Variants in ANOS1 observed in about 807,000 individuals in gnomAD.
ANOS1 encodes anosmin-1.
In ANOS1, 6 loss-of-function variants were observed where a neutral mutation model predicts 59.0. The ratio of observed to expected loss-of-function variants is 0.10; its 90% confidence interval spans 0.06 to 0.20. The LOEUF (loss-of-function observed/expected upper bound fraction) is 0.20, where lower values mean the gene tolerates loss of function less well. Among genes scored for constraint, ANOS1 ranks in the 10% least tolerant of loss-of-function variants. ANOS1 has a pLI of 1.00. For synonymous variants in ANOS1, 217 were observed against 223.4 expected (o/e 0.97, Z 0.25); for missense variants, 433 against 542.3 (o/e 0.80, Z 2.00).
chrX:8,539,022 A>G (rs969816561), intron 10 of ANOS1, among the ~76,000 whole-genome samples: 1 of 112,059 alleles, frequency 8.9e-6, no homozygotes, highest in African/African-American at 3.2e-5. Context: ...TGTATTATAC[A>G]CTGTATAATA....
intron 1 of ANOS1, among the ~76,000 whole-genome samples, chrX:8,722,540 CT>C (rs1044659117): frequency 1.8e-5 from 2 of 110,567 alleles, no homozygotes; most frequent in African/African-American, 6.6e-5. Flanking sequence ...CAGTTCATTC[CT>C]TTTTATGTCT....
chrX:8,558,735 T>C (rs1929986776), intron 8 of ANOS1, among the ~76,000 whole-genome samples: 2 of 111,564 alleles, frequency 1.8e-5, no homozygotes, highest in South Asian at 3.8e-4. Context: ...GGAAATACGG[T>C]TCAGCTTTGT....
intron 4 of ANOS1, among the ~76,000 whole-genome samples, chrX:8,589,502 A>G (rs1052569340): frequency 2.7e-5 from 3 of 112,225 alleles, no homozygotes; most frequent in Admixed American, 1.9e-4. Context: ...ATTTCATATT[A>G]GAAAAGGCCA....
chrX:8,550,409 C>T (rs765939412), intron 9 of ANOS1, among the ~76,000 whole-genome samples: 18 of 111,424 alleles, frequency 1.6e-4, no homozygotes, highest in Admixed American at 1.1e-3. Flanking sequence ...TTTTAAGATG[C>T]GAATTCTTCA....
chrX:8,601,996 A>G (rs897252343), intron 3 of ANOS1, among the ~76,000 whole-genome samples: 1 of 111,806 alleles, frequency 8.9e-6, no homozygotes, highest in African/African-American at 3.3e-5. Context: ...TAAGCACTGA[A>G]ATCTGCATCT....
intron 1 of ANOS1, among the ~76,000 whole-genome samples, chrX:8,729,712 T>TAAAAAAAAAAAAAAAAAAAAAAAAAAAA (rs1173021674): frequency 1.6e-5 from 1 of 63,087 alleles, no homozygotes; most frequent in African/African-American, 5.9e-5. Context: ...TTCTAATTAT[T>TAAAAAAAAAAAAAAAAAAAAAAAAAAAA]AAAAAAAAAA....
chrX:8,581,584 A>G (rs1930425575), intron 6 of ANOS1, among the ~76,000 whole-genome samples: 1 of 111,916 alleles, frequency 8.9e-6, no homozygotes, highest in African/African-American at 3.2e-5. Context: ...GTAAAGATGC[A>G]TCACAGAATT....
chrX:8,653,608 T>G (rs1218266344), intron 2 of ANOS1, among the ~76,000 whole-genome samples: 1 of 111,918 alleles, frequency 8.9e-6, no homozygotes. Flanking sequence ...CAAATACACA[T>G]GACCTTTTTA....
intron 1 of ANOS1, among the ~76,000 whole-genome samples, chrX:8,709,654 G>A (rs988878235): frequency 1.8e-5 from 2 of 111,791 alleles, no homozygotes; most frequent in African/African-American, 6.5e-5. Flanking sequence ...TAGGTGATAC[G>A]TAATAACTAG....
intron 2 of ANOS1, among the ~76,000 whole-genome samples, chrX:8,646,366 C>CAT (rs1931756006): frequency 9.0e-6 from 1 of 110,743 alleles, no homozygotes; most frequent in Non-Finnish European, 1.9e-5. Context: ...CTGTAGTAGC[C>CAT]GCCACCTGTA....
rs949125165 is a variant in ANOS1 at position 8,686,551 on chromosome X, A to G, written c.255+13147T>C. On this transcript the variant is annotated intron_variant, in intron 2 of 13. Transcript: ENST00000262648. ...TTAAGTTTTAGCTTTCTAAAGACCA[A>G]TTGTAAGAGGAAAACACTATTAACT... is the stretch of plus-strand genomic sequence containing the variant. 2.7e-5 allele frequency among the ~76,000 whole-genome samples: 3 copies of G among 112,421 alleles called. No homozygotes were observed. The East Asian group carries it at 8.4e-4, about 31-fold the overall frequency.
In ANOS1 at chrX:8,535,762, T is replaced by C; in HGVS notation, c.1671A>G (p.Ser557=). 1 of 1,210,578 alleles carries C rather than the reference T, an allele frequency of 8.3e-7. No homozygotes were observed. Reference sequence around the variant, plus strand: ...TGATGTTCACATCCTGGACGATGAATGAAGCAGAAAGGTTCTCAGGCTTAG... The same window carrying C: ...TGATGTTCACATCCTGGACGATGAACGAAGCAGAAAGGTTCTCAGGCTTAG... ...VLAKPENLSA[S]FIVQDVNITG... Residue 557 remains serine, a synonymous_variant, in exon 12 of 14, where the codon TCA becomes TCG. Transcript: ENST00000262648.
At chrX:8,714,002 T>G (rs189828836) in intron 1 of ANOS1, among the ~76,000 whole-genome samples, 265 of 112,274 alleles carry the variant, frequency 2.4e-3, no homozygotes, top group Non-Finnish European at 4.3e-3. Flanking sequence ...TGGATTCTTG[T>G]CATTGAGAAA....
intron 8 of ANOS1, 39 bp from the exon 9 acceptor site, chrX:8,554,137 G>C (rs1929902409): frequency 8.9e-7 from 1 of 1,119,448 alleles, no homozygotes; most frequent in African/African-American, 1.8e-5. Flanking sequence ...CTTGTTAAAA[G>C]TAATTATAGA....
At chrX:8,719,671 G>A (rs1249342923) in intron 1 of ANOS1, among the ~76,000 whole-genome samples, 1 of 111,780 alleles carries the variant, frequency 8.9e-6, no homozygotes, top group Non-Finnish European at 1.9e-5. Flanking sequence ...GAGAGCCACC[G>A]CACCTGGCCC....
chrX:8,533,275 AAAG>A lies in ANOS1; in HGVS notation c.1985-225_1985-223del, dbSNP rs758626372. ...TTCCCAAACTATAAAATAACAAGAA[AAAG>A]AAGACAAGCTCCTTTCCTTAAGCTC... On this transcript the variant is annotated intron_variant, in intron 13 of 13. Transcript: ENST00000262648. Among the ~76,000 whole-genome samples the A allele has an allele frequency of 4.7e-3, 530 of 112,089 alleles. 1 individual carries two copies. The highest frequency in any genetic ancestry group is 0.017 in the South Asian group (47 of 2,694).
At chrX:8,695,174 T>C (rs1012874891) in intron 2 of ANOS1, among the ~76,000 whole-genome samples, 14 of 111,539 alleles carry the variant, frequency 1.3e-4, no homozygotes, top group African/African-American at 4.6e-4. Context: ...TAGCTGGGCA[T>C]GGTGGCAGGT....
At position 8,578,135 on chromosome X, in the gene ANOS1, C is replaced by T. The variant is rs140130512; in HGVS notation, c.856+7132G>A. Reference sequence around the variant, plus strand: ...CGCACTGAAACGCATCATAAGAACACCTCATAAGGTATACTTATGGTATAT... The same window carrying T: ...CGCACTGAAACGCATCATAAGAACATCTCATAAGGTATACTTATGGTATAT... On this transcript the variant is annotated intron_variant, in intron 6 of 13. Coordinates refer to ENST00000262648, the MANE Select transcript of ANOS1 (RefSeq NM_000216.4). 9.3e-4 allele frequency among the ~76,000 whole-genome samples: 104 copies of T among 111,481 alleles called. No individual in the cohort carries two copies. In the East Asian group the frequency reaches 0.025, roughly 27 times the overall value.
At chrX:8,667,836 G>A (rs1286254962) in intron 2 of ANOS1, among the ~76,000 whole-genome samples, 1 of 110,972 alleles carries the variant, frequency 9.0e-6, no homozygotes, top group Non-Finnish European at 1.9e-5. Context: ...TATGGCTGTG[G>A]AGGATTAGGA....
Sources: allele counts gnomAD v4.1 joint callset (sites outside exome capture counted in the v4.1 genomes callset), GRCh38; gene constraint gnomAD v4.1.1; transcripts MANE v1.5; gene names NCBI Gene and HGNC (gene_info 2026-07-23, HGNC 2026-07-21).